The following OPCML variants were observed in gnomAD, a reference collection of about 807,000 sequenced individuals.
OPCML encodes opioid binding protein/cell adhesion molecule like.
A neutral mutation model predicts 37.8 loss-of-function variants in OPCML; 13 were observed. The observed-to-expected ratio is 0.34, with a 90% CI of 0.22 to 0.55. The LOEUF (loss-of-function observed/expected upper bound fraction) is 0.55. Among genes scored for constraint, OPCML ranks in the 20% least tolerant of loss-of-function variants. OPCML has a pLI of 0.91. For missense variants in OPCML, 341 were observed against 435.6 expected, an observed-to-expected ratio of 0.78 and a Z score of 1.93; for synonymous variants, 176 against 168.8, an observed-to-expected ratio of 1.04 and a Z score of -0.33.
intron 2 of OPCML, among the ~76,000 whole-genome samples, chr11:132,825,975 A>G (rs1940303341): frequency 6.6e-6 from 1 of 152,074 alleles, no homozygotes; most frequent in Admixed American, 6.5e-5. Flanking sequence ...TACCTCCCTA[A>G]CCACTCAGGG....
intron 2 of OPCML, among the ~76,000 whole-genome samples, chr11:132,908,426 T>G (rs2136529901): frequency 6.6e-6 from 1 of 152,360 alleles, no homozygotes; most frequent in Admixed American, 6.5e-5. Context: ...TCTGGGTCCC[T>G]ATAAACACAT....
intron 1 of OPCML, among the ~76,000 whole-genome samples, chr11:133,294,103 G>A (rs1378062581): frequency 6.6e-6 from 1 of 152,012 alleles, no homozygotes. Context: ...GTGGTGGAAA[G>A]AAGCACCGCC....
At chr11:132,906,878 T>C (rs1944260417) in intron 2 of OPCML, among the ~76,000 whole-genome samples, 1 of 152,220 alleles carries the variant, frequency 6.6e-6, no homozygotes, top group Admixed American at 6.5e-5. Flanking sequence ...TTGGGTTTCA[T>C]GTAATAGAGG....
chr11:132,520,706 G>T (rs1044548852), intron 4 of OPCML, among the ~76,000 whole-genome samples: 4 of 146,198 alleles, frequency 2.7e-5, no homozygotes, highest in African/African-American at 1.0e-4. Flanking sequence ...GTGTGTGTAT[G>T]CATATAGTAT....
chr11:133,177,574 G>A lies in OPCML; in HGVS notation c.62-234564C>T, dbSNP rs1436541965. ...AAGGAACTCTAGAATCTAATAGTTGGAGTGGCAATAAAAAATGTGAATACA... is the reference window on the plus strand; with the variant it reads ...AAGGAACTCTAGAATCTAATAGTTGAAGTGGCAATAAAAAATGTGAATACA... On this transcript the variant is annotated intron_variant, in intron 1 of 7. Coordinates refer to ENST00000524381, the MANE Select transcript of OPCML (RefSeq NM_001012393.5). This position sits in a 1 kb window ranked among gnomAD's most constrained non-coding sequence, Gnocchi z 5.0. Among the ~76,000 whole-genome samples the A allele has an allele frequency of 6.6e-6, 1 of 152,134 alleles. No individual in the cohort carries two copies. The highest frequency in any genetic ancestry group is 2.4e-5 in the African/African-American group (1 of 41,424).
chr11:132,647,342 A>G (rs1378008869), intron 3 of OPCML, among the ~76,000 whole-genome samples: 4 of 152,190 alleles, frequency 2.6e-5, no homozygotes, highest in Admixed American at 1.3e-4. Context: ...AATGTTTATA[A>G]GATGACCGCC....
intron 2 of OPCML, among the ~76,000 whole-genome samples, chr11:132,788,511 C>T (rs778978385): frequency 3.9e-5 from 6 of 152,176 alleles, no homozygotes; most frequent in Non-Finnish European, 7.3e-5. Context: ...CCCTCTTCCT[C>T]GAGATACCTG....
At chr11:133,433,204 A>G (rs1239287449) in intron 1 of OPCML, among the ~76,000 whole-genome samples, 1 of 146,806 alleles carries the variant, frequency 6.8e-6, no homozygotes, top group Non-Finnish European at 1.5e-5. Context: ...GTGAGCCGAG[A>G]TCCCGCCACT....
intron 2 of OPCML, among the ~76,000 whole-genome samples, chr11:132,698,494 T>C (rs970483092): frequency 5.3e-5 from 8 of 152,206 alleles, no homozygotes; most frequent in African/African-American, 1.9e-4. Flanking sequence ...GGTTTTATTT[T>C]CTTGTCATTA....
chr11:133,269,354 G>A (rs902021007), intron 1 of OPCML, among the ~76,000 whole-genome samples: 1 of 152,080 alleles, frequency 6.6e-6, no homozygotes, highest in Non-Finnish European at 1.5e-5. Flanking sequence ...GACTGAACAG[G>A]GAGAAGGGAC....
At chr11:132,709,964 A>C (rs1199955284) in intron 2 of OPCML, among the ~76,000 whole-genome samples, 1 of 152,236 alleles carries the variant, frequency 6.6e-6, no homozygotes, top group Non-Finnish European at 1.5e-5. Flanking sequence ...AGATACATTT[A>C]ATATTAGCTC....
At chr11:132,648,606 G>C (rs1055146728) in intron 3 of OPCML, among the ~76,000 whole-genome samples, 1 of 148,164 alleles carries the variant, frequency 6.7e-6, no homozygotes, top group Admixed American at 6.8e-5. Context: ...TGCAACCTCC[G>C]CCTCCCTGCT....
intron 1 of OPCML, chr11:133,004,316 T>G: frequency 1.0e-6 from 1 of 985,444 alleles, no homozygotes. Context: ...TTAATTTTTA[T>G]TTTATTTTGT....
chr11:133,302,519 C>G (rs936260937), intron 1 of OPCML: 1 of 152,130 alleles, frequency 6.6e-6, no homozygotes, highest in Non-Finnish European at 1.5e-5. Context: ...TACAGAGAAG[C>G]GAAATGACCT....
chr11:132,512,758 A>G (rs2096271655), intron 4 of OPCML, among the ~76,000 whole-genome samples: 1 of 97,092 alleles, frequency 1.0e-5, no homozygotes, highest in African/African-American at 3.5e-5. Flanking sequence ...TACATGTAAT[A>G]TATATATATT....
At chr11:132,903,576 G>A (rs190808074) in intron 2 of OPCML, among the ~76,000 whole-genome samples, 1 of 152,152 alleles carries the variant, frequency 6.6e-6, no homozygotes. Context: ...TTGGAATTCA[G>A]GCCCAGCTCA....
At chr11:133,051,080 C>CAG (rs1948122415) in intron 1 of OPCML, among the ~76,000 whole-genome samples, 1 of 151,626 alleles carries the variant, frequency 6.6e-6, no homozygotes, top group Non-Finnish European at 1.5e-5. Flanking sequence ...CACACACACA[C>CAG]ACACACCTCT....
At position 133,174,048 on chromosome 11, in the gene OPCML, G is replaced by A. The variant is rs1592072950; in HGVS notation, c.62-231038C>T. ...AACGGCCTGGCAGGCCCTGCACTGC[G>A]GCCATAAATCAGGAACTAATTCAAT... On this transcript the variant is annotated intron_variant, in intron 1 of 7. Coordinates refer to ENST00000524381, the MANE Select transcript of OPCML (RefSeq NM_001012393.5). The surrounding 1 kb of genome is among the most constrained non-coding windows in gnomAD (Gnocchi z 4.6). Among the ~76,000 whole-genome samples, 1 of 152,148 alleles carries A rather than the reference G, an allele frequency of 6.6e-6. No homozygotes were observed. The highest frequency in any genetic ancestry group is 6.5e-5 in the Admixed American group (1 of 15,280).
rs1183840556 is a variant in OPCML, at chr11:133,084,623, C to T, written c.62-141613G>A. 3.3e-5 allele frequency among the ~76,000 whole-genome samples: 5 copies of T among 152,150 alleles called. No individual in the cohort carries two copies. The East Asian group carries it at 5.8e-4, about 18-fold the overall frequency. Reference sequence around the variant, plus strand: ...CACATCACTGGGAGGCGTATTGGGGCGCTCCAGGCAGTCGGACAGATAGGG... The same window carrying T: ...CACATCACTGGGAGGCGTATTGGGGTGCTCCAGGCAGTCGGACAGATAGGG... On this transcript the variant is annotated intron_variant, in intron 1 of 7. Transcript: ENST00000524381.
Sources: gnomAD v4.1 joint callset for allele counts (sites outside exome capture counted in the v4.1 genomes callset) on GRCh38, gnomAD v4.1.1 for gene constraint, Gnocchi (gnomAD v3.1) non-coding constraint, MANE v1.5 for transcripts, NCBI Gene and HGNC (gene_info 2026-07-23, HGNC 2026-07-21) for gene names.